ZNF423: variants seen among roughly 807,000 people sequenced by gnomAD.
The protein encoded by ZNF423 is Ebf-associated zinc finger protein.
A neutral mutation model predicts 95.8 loss-of-function variants in ZNF423; 12 were observed. That is an observed-to-expected ratio of 0.13 (90% CI 0.08 to 0.20). The LOEUF is 0.20. Among genes scored for constraint, ZNF423 ranks in the 10% least tolerant of loss-of-function variants. The probability of loss-of-function intolerance (pLI) is 1.00; values close to 1 mark genes in which losing one functional copy is unlikely to be tolerated. For synonymous variants in ZNF423, 749 were observed against 711.9 expected, an observed-to-expected ratio of 1.05 and a Z score of -0.83; for missense variants, 1,316 against 1,737.1, an observed-to-expected ratio of 0.76 and a Z score of 4.31.
rs911263437 is a variant in ZNF423, at chr16:49,518,187, C to T, written c.3849+5437G>A. The T allele has an allele frequency of 7.9e-6, 3 of 380,868 alleles. No homozygotes were observed. In the Admixed American group the frequency reaches 1.0e-4, roughly 13 times the overall value. The allele number at this position is 380,868 out of a possible 1,614,324, so 23.6% of individuals were successfully genotyped here. A position where few individuals can be genotyped will look rare whatever the true frequency, so the allele number is the denominator to read the frequency against. On this transcript the variant is annotated intron_variant, in intron 7 of 7. Coordinates refer to ENST00000563137, the MANE Select transcript of ZNF423 (RefSeq NM_001379286.1). Reference sequence around the variant, plus strand: ...TTTGCATCCTTGGAATCTACATAACCTGTGTTGACCACATGCACTTGTAGC... The same window carrying T: ...TTTGCATCCTTGGAATCTACATAACTTGTGTTGACCACATGCACTTGTAGC...
intron 2 of ZNF423, among the ~76,000 whole-genome samples, chr16:49,748,721 G>A (rs2033573877): frequency 6.6e-6 from 1 of 152,160 alleles, no homozygotes; most frequent in African/African-American, 2.4e-5. Context: ...TGCAGGGATG[G>A]GAGGATGGGA....
chr16:49,848,686 A>C (rs1176988773), intron 1 of ZNF423, among the ~76,000 whole-genome samples: 1 of 152,178 alleles, frequency 6.6e-6, no homozygotes, highest in Admixed American at 6.5e-5. Flanking sequence ...ATTAATTTTC[A>C]ATTATTGGAG....
chr16:49,820,069 GATGC>G (rs1399528391), intron 1 of ZNF423, among the ~76,000 whole-genome samples: 25 of 149,328 alleles, frequency 1.7e-4, no homozygotes, highest in African/African-American at 6.2e-4. Context: ...TGGATGGATG[GATGC>G]ATGGATGGAT....
At chr16:49,664,855 G>A (rs1015865884) in intron 3 of ZNF423, among the ~76,000 whole-genome samples, 22 of 152,254 alleles carry the variant, frequency 1.4e-4, no homozygotes, top group Non-Finnish European at 2.6e-4. Flanking sequence ...CAGCTTGAGC[G>A]AGATCGGGGG....
chr16:49,528,903 G>A lies in ZNF423; in HGVS notation c.3602-3409C>T, dbSNP rs1968731700. Among the ~76,000 whole-genome samples the A allele has an allele frequency of 2.0e-5, 3 of 151,930 alleles. No individual in the cohort carries two copies. In the South Asian group the frequency reaches 6.3e-4, roughly 32 times the overall value. On this transcript the variant is annotated intron_variant, in intron 5 of 7. Transcript: ENST00000563137. ...TTGCTAGCACCATCACTCTCACCCC[G>A]CAGGCGCTGACAACCTCTCGTTCCA... is the stretch of plus-strand genomic sequence containing the variant.
At chr16:49,744,881 C>T (rs953244839) in intron 2 of ZNF423, among the ~76,000 whole-genome samples, 3 of 152,182 alleles carry the variant, frequency 2.0e-5, no homozygotes, top group African/African-American at 7.2e-5. Context: ...TTTCAAACTG[C>T]TGGCGATGTT....
intron 7 of ZNF423, among the ~76,000 whole-genome samples, chr16:49,510,640 G>A (rs1324505985): frequency 1.3e-5 from 2 of 152,150 alleles, no homozygotes; most frequent in Non-Finnish European, 2.9e-5. Flanking sequence ...TCTATGTCTG[G>A]GGTCTTCCCC....
intron 5 of ZNF423, among the ~76,000 whole-genome samples, chr16:49,593,854 G>A (rs909706879): frequency 6.6e-6 from 1 of 152,160 alleles, no homozygotes. Flanking sequence ...ACACACTACT[G>A]AAGAGAAGAC....
intron 1 of ZNF423, among the ~76,000 whole-genome samples, chr16:49,828,697 G>C (rs966101007): frequency 1.8e-4 from 27 of 152,208 alleles, no homozygotes; most frequent in African/African-American, 6.5e-4. Flanking sequence ...GAGCCCCTGG[G>C]CGGGCGCCAT....
intron 2 of ZNF423, among the ~76,000 whole-genome samples, chr16:49,737,575 C>G (rs1166795630): frequency 6.6e-6 from 1 of 152,206 alleles, no homozygotes; most frequent in African/African-American, 2.4e-5. Context: ...TGACTCTTAA[C>G]CACTATACGG....
At chr16:49,782,199 C>T (rs2034223391) in intron 2 of ZNF423, among the ~76,000 whole-genome samples, 1 of 152,276 alleles carries the variant, frequency 6.6e-6, no homozygotes, top group Non-Finnish European at 1.5e-5. Flanking sequence ...AGAGTCTCCT[C>T]TAAAACAAGG....
chr16:49,787,546 C>T (rs1278497070), intron 2 of ZNF423, among the ~76,000 whole-genome samples: 1 of 152,202 alleles, frequency 6.6e-6, no homozygotes, highest in Non-Finnish European at 1.5e-5. Context: ...GCTCCCACTA[C>T]TCCCAGGCAC....
intron 2 of ZNF423, among the ~76,000 whole-genome samples, chr16:49,749,603 G>T (rs1438451145): frequency 6.6e-6 from 1 of 152,192 alleles, no homozygotes; most frequent in South Asian, 2.1e-4. Context: ...CGCAGCAATC[G>T]CCGTGTGCGA....
intron 2 of ZNF423, among the ~76,000 whole-genome samples, chr16:49,769,156 G>T (rs1323444556): frequency 2.0e-5 from 3 of 152,142 alleles, no homozygotes; most frequent in Non-Finnish European, 2.9e-5. Context: ...AGGAGTTCGA[G>T]ACCTGCCTGG....
intron 3 of ZNF423, among the ~76,000 whole-genome samples, chr16:49,643,227 A>G (rs906482086): frequency 1.1e-4 from 16 of 152,116 alleles, no homozygotes; most frequent in Non-Finnish European, 4.4e-5. Flanking sequence ...CCCCTCCAAC[A>G]TGAACATTCC....
At chr16:49,664,400 G>A in intron 3 of ZNF423, 2 of 632,730 alleles carry the variant, frequency 3.2e-6, no homozygotes, top group Non-Finnish European at 3.9e-6. Context: ...GGAGAGGACA[G>A]AGGAGGCCCA....
chr16:49,718,674 G>A (rs1169162952), intron 3 of ZNF423, among the ~76,000 whole-genome samples: 2 of 152,138 alleles, frequency 1.3e-5, no homozygotes, highest in Non-Finnish European at 2.9e-5. Flanking sequence ...CCAAGATCAA[G>A]GTGCTGGGAG....
intron 2 of ZNF423, among the ~76,000 whole-genome samples, chr16:49,778,082 G>A (rs1460878247): frequency 6.6e-6 from 1 of 152,204 alleles, no homozygotes. Flanking sequence ...ATCAGTTAAA[G>A]CAATCAACCA....
At chr16:49,682,249 AACCCCATTTTCCCCCC>A (rs1259706072) in intron 3 of ZNF423, among the ~76,000 whole-genome samples, 1 of 30,180 alleles carries the variant, frequency 3.3e-5, no homozygotes, top group Non-Finnish European at 7.8e-5. Context: ...ATTTTCCCCC[AACCCCATTTTCCCCCC>A]ATTCTCCAAC....
Sources: gnomAD v4.1 joint callset for allele counts (sites outside exome capture counted in the v4.1 genomes callset) on GRCh38, gnomAD v4.1.1 for gene constraint, MANE v1.5 for transcripts, NCBI Gene and HGNC (gene_info 2026-07-23, HGNC 2026-07-21) for gene names.